Variants in SCAF4 observed in about 807,000 individuals in gnomAD.
SCAF4 encodes SR-related CTD associated factor 4.
In SCAF4, 25 loss-of-function variants were observed where a neutral mutation model predicts 129.8. The observed-to-expected ratio is 0.19, with a 90% CI of 0.14 to 0.27. The LOEUF (loss-of-function observed/expected upper bound fraction) is 0.27, where lower values mean the gene tolerates loss of function less well. Ranked by LOEUF, SCAF4 falls within the 10% of genes least tolerant of loss-of-function variation. The probability of loss-of-function intolerance (pLI) is 1.00; values close to 1 mark genes in which losing one functional copy is unlikely to be tolerated. For synonymous variants in SCAF4, 551 were observed against 497.7 expected, an observed-to-expected ratio of 1.11 and a Z score of -1.43; for missense variants, 1,246 against 1,457.1, an observed-to-expected ratio of 0.86 and a Z score of 2.36.
At chr21:31,713,724 T>C (rs2050857936) in intron 1 of SCAF4, among the ~76,000 whole-genome samples, 1 of 141,860 alleles carries the variant, frequency 7.0e-6, no homozygotes, top group African/African-American at 2.6e-5. Flanking sequence ...CATTAATAAA[T>C]TTCTCATGGG....
At chr21:31,717,838 TATATACACACAC>T (rs1384024545) in intron 1 of SCAF4, among the ~76,000 whole-genome samples, 4,661 of 98,910 alleles carry the variant, frequency 0.047, 135 homozygotes, top group Non-Finnish European at 0.063. Context: ...TATATATATA[TATATACACACAC>T]ACACACACAC....
chr21:31,686,539 G>A (rs985228509), intron 16 of SCAF4, among the ~76,000 whole-genome samples: 2 of 151,830 alleles, frequency 1.3e-5, no homozygotes, highest in South Asian at 4.2e-4. Context: ...GATTAAATGA[G>A]TTAATACATA....
In SCAF4 at chr21:31,694,227, C is replaced by G; in HGVS notation, c.1299G>C (p.Lys433Asn). Residue 433 changes from lysine to asparagine, a missense_variant, in exon 11 of 20, where the codon AAG (lysine) becomes AAC (asparagine). This residue lies in a region of SCAF4 where 468 missense variants were observed against 605.5 expected (regional missense o/e 0.77). Transcript: ENST00000286835. Reference protein sequence around the residue: ...EVKRHMSDNRKSRSRSASRSP... With the variant: ...EVKRHMSDNRNSRSRSASRSP... ...ACCTGGATGCTGACCTAGATCTTGA[C>G]TTTCTGTTATCAGACATATGTCGCT... is the stretch of plus-strand genomic sequence containing the variant. 2 of 1,608,816 alleles carry G rather than the reference C, an allele frequency of 1.2e-6. No individual in the cohort carries two copies. Among genetic ancestry groups the G allele is most frequent in the Non-Finnish European group, 1.7e-6 (2 of 1,176,044 alleles).
chr21:31,693,056 A>G (rs1011044346), intron 12 of SCAF4, among the ~76,000 whole-genome samples: 13 of 152,350 alleles, frequency 8.5e-5, no homozygotes, highest in South Asian at 2.1e-4. Context: ...ATGCAAGTGA[A>G]TACATTCTGT....
At chr21:31,695,235 T>C (rs2050356805) in intron 9 of SCAF4, among the ~76,000 whole-genome samples, 2 of 152,160 alleles carry the variant, frequency 1.3e-5, no homozygotes, top group South Asian at 4.1e-4. Context: ...TTTAAAGAAA[T>C]ACCTTCATTT....
At chr21:31,708,064 A>C (rs2050709960) in intron 1 of SCAF4, among the ~76,000 whole-genome samples, 1 of 152,196 alleles carries the variant, frequency 6.6e-6, no homozygotes, top group South Asian at 2.1e-4. Flanking sequence ...TTTGAGAATA[A>C]AACGCTCACT....
At chr21:31,730,713 TCTC>T (rs748402955) in intron 1 of SCAF4, among the ~76,000 whole-genome samples, 4 of 152,312 alleles carry the variant, frequency 2.6e-5, no homozygotes, top group East Asian at 3.9e-4. Flanking sequence ...AATGGTCAAG[TCTC>T]CTCCTCCCAA....
At chr21:31,675,283 AT>A (rs2049823757) in intron 19 of SCAF4, among the ~76,000 whole-genome samples, 1 of 152,164 alleles carries the variant, frequency 6.6e-6, no homozygotes, top group Non-Finnish European at 1.5e-5. Flanking sequence ...AAACCAAGTA[AT>A]TTTTAGCAGG....
chr21:31,729,192 A>G (rs2051284311), intron 1 of SCAF4, among the ~76,000 whole-genome samples: 1 of 152,246 alleles, frequency 6.6e-6, no homozygotes, highest in Non-Finnish European at 1.5e-5. Flanking sequence ...CAAACATGAA[A>G]CTTGTCAGGC....
At chr21:31,704,095 G>A (rs954456138) in intron 3 of SCAF4, among the ~76,000 whole-genome samples, 169 bp from the exon 4 acceptor site, 10 of 151,892 alleles carry the variant, frequency 6.6e-5, no homozygotes, top group Admixed American at 3.9e-4. Flanking sequence ...AATTTCCCAT[G>A]TCTATAATGG....
intron 11 of SCAF4, among the ~76,000 whole-genome samples, 167 bp from the exon 12 acceptor site, chr21:31,693,651 A>T (rs1388151922): frequency 1.3e-5 from 2 of 152,226 alleles, no homozygotes; most frequent in Admixed American, 1.3e-4. Context: ...CCCAAATTAG[A>T]AATCATGCAC....
rs1372839101 is a variant in SCAF4 at position 31,690,076 on chromosome 21, T to A, written c.1885+721A>T. On this transcript the variant is annotated intron_variant, in intron 15 of 19. Coordinates refer to ENST00000286835, the MANE Select transcript of SCAF4 (RefSeq NM_020706.2). Reference sequence around the variant, plus strand: ...TGCAATCTCACTGTCAATCTGGCATTTTAAATATTTATGCCCACAAATAAC... The same window carrying A: ...TGCAATCTCACTGTCAATCTGGCATATTAAATATTTATGCCCACAAATAAC... 2.0e-5 allele frequency among the ~76,000 whole-genome samples: 3 copies of A among 152,228 alleles called. No homozygotes were observed. The East Asian group carries it at 5.8e-4, about 29-fold the overall frequency.
In SCAF4 at chr21:31,731,791, G is replaced by A. The variant is rs922254247; in HGVS notation, c.-99C>T. 9.5e-6 allele frequency: 13 copies of A among 1,367,806 alleles called. No homozygotes were observed. The highest frequency in any genetic ancestry group is 1.5e-5 in the South Asian group (1 of 66,912). 84.7% of individuals were successfully genotyped at this position (1,367,806 alleles called of 1,614,324 possible). On this transcript the variant is annotated 5_prime_UTR_variant, in exon 1 of 20. Coordinates refer to ENST00000286835, the MANE Select transcript of SCAF4 (RefSeq NM_020706.2). Reference sequence around the variant, plus strand: ...GAAACCAGCCGGGCCTGGTGGCCGGGGGGAGGCGACGAGCGGCGGAGTCCG... The same window carrying A: ...GAAACCAGCCGGGCCTGGTGGCCGGAGGGAGGCGACGAGCGGCGGAGTCCG...
intron 7 of SCAF4, 79 bp from the exon 8 acceptor site, chr21:31,696,829 G>T: frequency 8.3e-7 from 1 of 1,199,794 alleles, no homozygotes; most frequent in Non-Finnish European, 1.2e-6. Flanking sequence ...AACAAGGGAT[G>T]TTTACCACCA....
chr21:31,698,116 A>T (rs1000316210), intron 7 of SCAF4, among the ~76,000 whole-genome samples: 1 of 152,206 alleles, frequency 6.6e-6, no homozygotes, highest in African/African-American at 2.4e-5. Flanking sequence ...TTACATATTA[A>T]TATGTTCTTT....
chr21:31,718,182 T>G (rs1012917539), intron 1 of SCAF4, among the ~76,000 whole-genome samples: 1 of 152,068 alleles, frequency 6.6e-6, no homozygotes, highest in Admixed American at 6.6e-5. Context: ...CTGACCTCAG[T>G]TGCTCTGCCC....
intron 3 of SCAF4, among the ~76,000 whole-genome samples, chr21:31,705,062 AGGGAAAAATT>A (rs1266068819): frequency 1.3e-5 from 2 of 152,204 alleles, no homozygotes; most frequent in African/African-American, 4.8e-5. Context: ...TGATGGGAAA[AGGGAAAAATT>A]GGGAAAATTT....
In SCAF4 at chr21:31,672,134, A is replaced by G. The variant is rs1351309988; in HGVS notation, c.2709T>C (p.His903=). ...GCGGTGGGAAGGGACCTTTCATTCCATGAGGTGGAGGCATCGCAAAGCCCC... is the reference window on the plus strand; with the variant it reads ...GCGGTGGGAAGGGACCTTTCATTCCGTGAGGTGGAGGCATCGCAAAGCCCC... The part of the protein sequence containing the change: ...GPGGFAMPPP[H]GMKGPFPPHG... The change falls in exon 20 of 20, where the codon CAT becomes CAC. Residue 903 remains histidine (H), a synonymous_variant. Transcript: ENST00000286835. 2 of 1,608,602 alleles carry G rather than the reference A, an allele frequency of 1.2e-6. No individual in the cohort carries two copies. Among genetic ancestry groups the G allele is most frequent in the Non-Finnish European group, 1.7e-6 (2 of 1,176,084 alleles).
chr21:31,727,891 T>C (rs1007059443), intron 1 of SCAF4, among the ~76,000 whole-genome samples: 1 of 150,900 alleles, frequency 6.6e-6, no homozygotes, highest in African/African-American at 2.4e-5. Flanking sequence ...CCATTAAGTA[T>C]TAGCCATAAT....
Sources: allele counts gnomAD v4.1 joint callset (sites outside exome capture counted in the v4.1 genomes callset), GRCh38; gene constraint gnomAD v4.1.1; regional missense constraint gnomAD v4.1.1; transcripts MANE v1.5; gene names NCBI Gene and HGNC (gene_info 2026-07-23, HGNC 2026-07-21).